LAMB3: variants seen among roughly 807,000 people sequenced by gnomAD.
LAMB3 encodes laminin subunit beta 3, also known as laminin subunit beta-3.
In LAMB3, 104 loss-of-function variants were observed where a neutral mutation model predicts 140.3. The ratio of observed to expected loss-of-function variants is 0.74; its 90% CI spans 0.63 to 0.87. The LOEUF (loss-of-function observed/expected upper bound fraction) is 0.87, where lower values mean the gene tolerates loss of function less well. Ranked by LOEUF, LAMB3 falls within the 40% of genes least tolerant of loss-of-function variation. The pLI is 0.00. For missense variants in LAMB3, 1,531 were observed against 1,575.2 expected (o/e 0.97, Z 0.47); for synonymous variants, 592 against 602.9 (o/e 0.98, Z 0.26).
rs1305457001 is a variant in LAMB3, at chr1:209,616,633, G to A, written c.3229-9C>T. The A allele has an allele frequency of 1.2e-6, 2 of 1,613,988 alleles. No homozygotes were observed. The highest frequency in any genetic ancestry group is 1.7e-6 in the Non-Finnish European group (2 of 1,179,906). ...TTTATTCTCTCAAATCCCTGAAAAA[G>A]GTAGAATAGTCTCAGTGTCATTGTC... On this transcript the variant is annotated splice_polypyrimidine_tract_variant and intron_variant, in intron 21 of 22. Transcript: ENST00000356082.
rs574774219 is a variant in LAMB3 at position 209,617,851 on chromosome 1, G to A, written c.3051+56C>T. ...CTTTCTGGCATTTTCTATGCCTGGT[G>A]CCCAAATTTTCCTGTTTATGCCCAA... On this transcript the variant is annotated intron_variant, in intron 20 of 22. Coordinates refer to ENST00000356082, the MANE Select transcript of LAMB3 (RefSeq NM_000228.3). The A allele has an allele frequency of 6.3e-5, 101 of 1,608,634 alleles. 1 individual carries two copies. The South Asian group carries it at 1.0e-3, about 16-fold the overall frequency.
In LAMB3 at chr1:209,623,821, C is replaced by A. The variant is rs754647330; in HGVS notation, c.2137+19G>T. On this transcript the variant is annotated intron_variant, in intron 15 of 22. Transcript: ENST00000356082. The surrounding 1 kb of genome is among the most constrained non-coding windows in gnomAD (Gnocchi z 4.2). The stretch of plus-strand genomic sequence containing the variant: ...GGCAGTGCCCATGCCCGGGGTTATC[C>A]GGGTGCCCCTCTCCTCACCTGAAGG... 3.7e-6 allele frequency: 6 copies of A among 1,614,162 alleles called. No individual in the cohort carries two copies. Among genetic ancestry groups the A allele is most frequent in the Non-Finnish European group, 5.1e-6 (6 of 1,180,022 alleles).
chr1:209,644,635 C>T (rs971791974), intron 3 of LAMB3, among the ~76,000 whole-genome samples: 1 of 151,836 alleles, frequency 6.6e-6, no homozygotes, highest in African/African-American at 2.4e-5. Flanking sequence ...CATACTGGTG[C>T]TGTTCTGATT....
Position 209,617,300 on chromosome 1 carries a change from T to C in LAMB3, c.3228+110A>G, listed in dbSNP as rs932674980. 3 of 1,242,952 alleles carry C rather than the reference T, an allele frequency of 2.4e-6. No homozygotes were observed. In the African/African-American group the frequency reaches 4.4e-5, roughly 18 times the overall value. 77.0% of individuals were successfully genotyped at this position (1,242,952 alleles called of 1,614,324 possible). A position where few individuals can be genotyped will look rare whatever the true frequency, so the allele number is the denominator to read the frequency against. On this transcript the variant is annotated intron_variant, in intron 21 of 22. Coordinates refer to ENST00000356082, the MANE Select transcript of LAMB3 (RefSeq NM_000228.3). ...ACTCTCAAGCCTCTTCTGGTTCTGT[T>C]ATTCTAAGCACTTTTGAGTTTGTGG...
intron 12 of LAMB3, 28 bp downstream of exon 12, chr1:209,627,355 G>A: frequency 6.3e-7 from 1 of 1,599,460 alleles, no homozygotes; most frequent in Non-Finnish European, 8.6e-7. Context: ...CCCACTGAGG[G>A]GGCCCCCGGA....
At chr1:209,638,021 TC>T (rs1558163124) in intron 4 of LAMB3, 40 bp from the exon 5 acceptor site, 1 of 1,530,586 alleles carries the variant, frequency 6.5e-7, no homozygotes, top group Admixed American at 1.7e-5. Context: ...CCAGAGACTG[TC>T]CACTTCCCCA....
chr1:209,647,735 A>G (rs1227579395), intron 3 of LAMB3, among the ~76,000 whole-genome samples: 1 of 152,198 alleles, frequency 6.6e-6, no homozygotes, highest in Non-Finnish European at 1.5e-5. Flanking sequence ...CTAACTACTC[A>G]GAAAACTCAA....
In LAMB3 at chr1:209,622,678, A is replaced by C. The variant is rs1666247090; in HGVS notation, c.2559T>G (p.Ile853Met). 1 of 1,614,032 alleles carries C rather than the reference A, an allele frequency of 6.2e-7. No individual in the cohort carries two copies. Residue 853 changes from isoleucine (I) to methionine (M), a missense_variant and splice_region_variant, in exon 18 of 23, where the codon ATT becomes ATG. Ile to Met is a conservative substitution (Grantham distance 10, BLOSUM62 1). Transcript: ENST00000356082. ...NAQLQRTRQMIRAAEESASQI... is the reference protein window; with the variant it reads ...NAQLQRTRQMMRAAEESASQI... Reference sequence around the variant, plus strand: ...GTGAGGCAGATTCCTCGGCTGCCCTAATCTGTTGACATACACTCTAGGTCA... The same window carrying C: ...GTGAGGCAGATTCCTCGGCTGCCCTCATCTGTTGACATACACTCTAGGTCA...
At chr1:209,638,402 T>C in intron 4 of LAMB3, 132 bp downstream of exon 4, 3 of 716,578 alleles carry the variant, frequency 4.2e-6, no homozygotes, top group Non-Finnish European at 7.7e-6. Flanking sequence ...AGAAAGATTC[T>C]TCTTATCAAT....
chr1:209,630,879 C>G, intron 8 of LAMB3, 144 bp from the exon 9 acceptor site: 1 of 906,706 alleles, frequency 1.1e-6, no homozygotes, highest in Non-Finnish European at 1.7e-6. Context: ...CTCTGAATGC[C>G]GCAGACTTCA....
Position 209,615,205 on chromosome 1 carries a change from C to A in LAMB3, c.*66G>T. The A allele has an allele frequency of 1.2e-6, 2 of 1,608,676 alleles. No individual in the cohort carries two copies. Among genetic ancestry groups the A allele is most frequent in the South Asian group, 1.1e-5 (1 of 90,924 alleles). On this transcript the variant is annotated 3_prime_UTR_variant, in exon 23 of 23. Coordinates refer to ENST00000356082, the MANE Select transcript of LAMB3 (RefSeq NM_000228.3). ...TCCTGGAGATGGAAAGCATTCCAACCCAATCTGCCCCCAACCAAAAGCAAA... is the reference window on the plus strand; with the variant it reads ...TCCTGGAGATGGAAAGCATTCCAACACAATCTGCCCCCAACCAAAAGCAAA...
chr1:209,634,469 T>G lies in LAMB3; in HGVS notation c.542A>C (p.Asn181Thr). The change falls in exon 6 of 23, where the codon AAT becomes ACT. Residue 181 changes from asparagine (N) to threonine (T), a missense_variant. By Grantham distance (65) the Asn-to-Thr change is moderately conservative (BLOSUM62 0). Transcript: ENST00000356082. The part of the protein sequence containing the change: ...VRCQSLPQRP[N>T]ARLNGGKVQL... Reference sequence around the variant, plus strand: ...TACCTTCCCCCCATTTAGGCGTGCATTAGGCCTCTGAGGCAGGGACTGGCA... The same window carrying G: ...TACCTTCCCCCCATTTAGGCGTGCAGTAGGCCTCTGAGGCAGGGACTGGCA... 6.2e-7 allele frequency: 1 copy of G among 1,614,086 alleles called. No individual in the cohort carries two copies. The highest frequency in any genetic ancestry group is 1.7e-5 in the Admixed American group (1 of 60,020).
At chr1:209,643,639 A>G (rs1012583916) in intron 3 of LAMB3, among the ~76,000 whole-genome samples, 1 of 152,144 alleles carries the variant, frequency 6.6e-6, no homozygotes, top group Non-Finnish European at 1.5e-5. Flanking sequence ...GGCACACACA[A>G]CTAAAAACTC....
chr1:209,629,043 C>T (rs1461551466), intron 10 of LAMB3, among the ~76,000 whole-genome samples: 2 of 152,158 alleles, frequency 1.3e-5, no homozygotes, highest in African/African-American at 4.8e-5. Flanking sequence ...ACTCAGCTTT[C>T]CCCAACCCCC....
In LAMB3 at chr1:209,623,883, C is replaced by T. The variant is rs115704192; in HGVS notation, c.2094G>A (p.Arg698=). Residue 698 remains arginine, a synonymous_variant, in exon 15 of 23, where the codon AGG becomes AGA. Transcript: ENST00000356082. This position sits in a 1 kb window ranked among gnomAD's most constrained non-coding sequence, Gnocchi z 4.2. The part of the protein sequence containing the change: ...SFNGLLTMYQ[R]KREQFEKISS... ...TTATTTTTTCAAACTGCTCCCTCTT[C>T]CTCTGATACATAGTAAGGAGACCAT... 1.5e-5 allele frequency: 25 copies of T among 1,614,218 alleles called. No homozygotes were observed. The East Asian group carries it at 5.6e-4, about 36-fold the overall frequency.
intron 22 of LAMB3, 42 bp from the exon 23 acceptor site, chr1:209,615,449 GAGACTCCCCA>G: frequency 6.4e-7 from 1 of 1,558,172 alleles, no homozygotes; most frequent in Non-Finnish European, 8.7e-7. Context: ...AGTTGATGGT[GAGACTCCCCA>G]AGACTCCCAA....
chr1:209,620,300 C>T (rs532642276), intron 18 of LAMB3, among the ~76,000 whole-genome samples: 68 of 152,306 alleles, frequency 4.5e-4, no homozygotes, highest in African/African-American at 1.5e-3. Flanking sequence ...CAAGGAAGTA[C>T]AGCTTTGAGT....
intron 21 of LAMB3, among the ~76,000 whole-genome samples, chr1:209,617,001 G>C (rs1665990347): frequency 6.6e-6 from 1 of 152,208 alleles, no homozygotes; most frequent in South Asian, 2.1e-4. Context: ...CACTGAGAAT[G>C]GGCTCTTTGA....
chr1:209,623,284 G>T lies in LAMB3; in HGVS notation c.2359-105C>A. The T allele has an allele frequency of 8.1e-7, 1 of 1,232,164 alleles. No homozygotes were observed. The highest frequency in any genetic ancestry group is 1.2e-6 in the Non-Finnish European group (1 of 850,478). The allele number at this position is 1,232,164 out of a possible 1,614,324, so 76.3% of individuals were successfully genotyped here. On this transcript the variant is annotated intron_variant, in intron 16 of 22. Transcript: ENST00000356082. This position sits in a 1 kb window ranked among gnomAD's most constrained non-coding sequence, Gnocchi z 4.2. Reference sequence around the variant, plus strand: ...AGCCAGACATCTCCATGACAACCAAGCACCAGAAACAGCCAGACATCTCCA... The same window carrying T: ...AGCCAGACATCTCCATGACAACCAATCACCAGAAACAGCCAGACATCTCCA...
Sources: allele counts gnomAD v4.1 joint callset (sites outside exome capture counted in the v4.1 genomes callset), GRCh38; gene constraint gnomAD v4.1.1; non-coding constraint Gnocchi (gnomAD v3.1); transcripts MANE v1.5; gene names NCBI Gene and HGNC (gene_info 2026-07-23, HGNC 2026-07-21).